The following STON2 variants were observed in gnomAD, a reference collection of about 807,000 sequenced individuals.
The protein encoded by STON2 is stonin-2.
In STON2, 29 loss-of-function variants were observed where a neutral mutation model predicts 65.7. The observed-to-expected ratio is 0.44, with a 90% CI of 0.33 to 0.60. The LOEUF (loss-of-function observed/expected upper bound fraction) is 0.60. Among genes scored for constraint, STON2 ranks in the 20% least tolerant of loss-of-function variants. STON2 has a pLI of 0.03. For synonymous variants in STON2, 404 were observed against 414.2 expected, an observed-to-expected ratio of 0.98 and a Z score of 0.30; for missense variants, 1,054 against 1,118.1, an observed-to-expected ratio of 0.94 and a Z score of 0.82.
chr14:81,397,023 A>C (rs983045996), intron 2 of STON2, among the ~76,000 whole-genome samples: 4 of 152,174 alleles, frequency 2.6e-5, no homozygotes, highest in African/African-American at 9.7e-5. Flanking sequence ...GCACCACTGC[A>C]CTCCAGCCTG....
At chr14:81,327,066 G>C (rs555439982) in intron 4 of STON2, among the ~76,000 whole-genome samples, 22 of 152,292 alleles carry the variant, frequency 1.4e-4, no homozygotes, top group African/African-American at 5.1e-4. Context: ...GCTGAGGCAC[G>C]AGAATTGCTT....
chr14:81,354,828 G>A (rs10147406), intron 4 of STON2, among the ~76,000 whole-genome samples: 3 of 151,714 alleles, frequency 2.0e-5, no homozygotes, highest in Non-Finnish European at 4.4e-5. Flanking sequence ...ACCAGCCTGG[G>A]CAACATGGTG....
chr14:81,261,913 GGTTGTCTGTTTCT>G lies in STON2; in HGVS notation c.*6488_*6500del. On this transcript the variant is annotated 3_prime_UTR_variant, in exon 8 of 8. Transcript: ENST00000614646. ...CAACTGCAATATAGAGGATTTGGAAGGTTGTCTGTTTCTGTTGTCTGGGGAAATGATAAAAAAA... is the reference window on the plus strand; with the variant it reads ...CAACTGCAATATAGAGGATTTGGAAGGTTGTCTGGGGAAATGATAAAAAAA... The G allele has an allele frequency of 1.3e-6, 2 of 1,499,354 alleles. No homozygotes were observed. Among genetic ancestry groups the G allele is most frequent in the Non-Finnish European group, 1.8e-6 (2 of 1,133,428 alleles). The allele number at this position is 1,499,354 out of a possible 1,614,324, so 92.9% of individuals were successfully genotyped here. A position where few individuals can be genotyped will look rare whatever the true frequency, so the allele number is the denominator to read the frequency against.
At chr14:81,290,997 A>G (rs966516050) in intron 5 of STON2, among the ~76,000 whole-genome samples, 1 of 152,196 alleles carries the variant, frequency 6.6e-6, no homozygotes, top group Non-Finnish European at 1.5e-5. Context: ...AAGAATATAT[A>G]TATGTCTCAT....
chr14:81,408,011 G>A (rs909225996), intron 2 of STON2, among the ~76,000 whole-genome samples: 1 of 152,126 alleles, frequency 6.6e-6, no homozygotes, highest in African/African-American at 2.4e-5. Context: ...CCATTACCCT[G>A]TGAGGAAGAC....
At chr14:81,384,048 A>G (rs1461065927) in intron 3 of STON2, among the ~76,000 whole-genome samples, 1 of 151,938 alleles carries the variant, frequency 6.6e-6, no homozygotes, top group African/African-American at 2.4e-5. Context: ...TCCACATGGA[A>G]GACTCCTCCC....
At position 81,337,078 on chromosome 14, in the gene STON2, C is replaced by T. The variant is rs183400646; in HGVS notation, c.572-12891G>A. Among the ~76,000 whole-genome samples the T allele has an allele frequency of 5.3e-5, 8 of 152,268 alleles. No individual in the cohort carries two copies. The East Asian group carries it at 7.7e-4, about 15-fold the overall frequency. On this transcript the variant is annotated intron_variant, in intron 4 of 7. Transcript: ENST00000614646. ...TGAGCTTTAGAGAAGATAATGTATA[C>T]GAAAGTGTCTGGCAGTGCCTGGCAA...
chr14:81,379,994 T>G (rs1429387142), intron 3 of STON2, among the ~76,000 whole-genome samples: 1 of 152,144 alleles, frequency 6.6e-6, no homozygotes, highest in African/African-American at 2.4e-5. Context: ...AATTGAGAAG[T>G]GGGACCTAAT....
chr14:81,366,577 G>A (rs909361615), intron 4 of STON2, among the ~76,000 whole-genome samples: 6 of 151,876 alleles, frequency 4.0e-5, no homozygotes, highest in Non-Finnish European at 8.8e-5. Flanking sequence ...GGCAGGGGGT[G>A]GGGGGGCAAT....
chr14:81,417,823 T>G (rs1901512006), intron 2 of STON2, among the ~76,000 whole-genome samples: 1 of 150,974 alleles, frequency 6.6e-6, no homozygotes, highest in African/African-American at 2.4e-5. Flanking sequence ...CATAAGGGAG[T>G]GGGGCTGGGA....
chr14:81,294,159 C>T (rs981673351), intron 5 of STON2, among the ~76,000 whole-genome samples: 2 of 152,178 alleles, frequency 1.3e-5, no homozygotes, highest in African/African-American at 4.8e-5. Flanking sequence ...CTAGAACCTT[C>T]CAATCTTGTC....
intron 3 of STON2, among the ~76,000 whole-genome samples, chr14:81,373,521 A>C (rs1185938076): frequency 6.6e-6 from 1 of 152,226 alleles, no homozygotes; most frequent in Non-Finnish European, 1.5e-5. Flanking sequence ...TTTAAAATGC[A>C]TCACACGGTG....
chr14:81,388,971 C>T (rs1386655710), intron 3 of STON2, among the ~76,000 whole-genome samples: 1 of 152,154 alleles, frequency 6.6e-6, no homozygotes, highest in East Asian at 1.9e-4. Flanking sequence ...TTCTCCTCCT[C>T]CTTCTCCTCC....
At chr14:81,360,393 G>A (rs2140338318) in intron 4 of STON2, among the ~76,000 whole-genome samples, 1 of 152,160 alleles carries the variant, frequency 6.6e-6, no homozygotes, top group South Asian at 2.1e-4. Flanking sequence ...ATCAATATAT[G>A]TGATAATCAC....
At chr14:81,279,756 T>C (rs1895032547) in intron 5 of STON2, among the ~76,000 whole-genome samples, 2 of 151,148 alleles carry the variant, frequency 1.3e-5, no homozygotes, top group Non-Finnish European at 2.9e-5. Context: ...TCAATGAGGG[T>C]AAAGGTGCCA....
At chr14:81,305,473 C>T (rs573192238) in intron 5 of STON2, among the ~76,000 whole-genome samples, 4 of 152,246 alleles carry the variant, frequency 2.6e-5, no homozygotes, top group African/African-American at 7.2e-5. Context: ...AGGTGTATAC[C>T]TTTTCATATG....
Position 81,264,843 on chromosome 14 carries a change from T to TC in STON2, c.*3570dup. ...TGTCTGCAAGAGCAGGCAAGGGGGATCATCTAATGGTCTCCCCACAAAGTG... is the reference window on the plus strand; with the variant it reads ...TGTCTGCAAGAGCAGGCAAGGGGGATCCATCTAATGGTCTCCCCACAAAGTG... On this transcript the variant is annotated 3_prime_UTR_variant, in exon 8 of 8. Coordinates refer to ENST00000614646, the MANE Select transcript of STON2 (RefSeq NM_001394390.1). 2.0e-6 allele frequency: 2 copies of TC among 985,344 alleles called. No homozygotes were observed. Among genetic ancestry groups the TC allele is most frequent in the Non-Finnish European group, 2.4e-6 (2 of 829,898 alleles). 61.0% of individuals were successfully genotyped at this position (985,344 alleles called of 1,614,324 possible).
chr14:81,321,906 C>T (rs1398919067), intron 5 of STON2, among the ~76,000 whole-genome samples: 1 of 152,118 alleles, frequency 6.6e-6, no homozygotes, highest in African/African-American at 2.4e-5. Context: ...CGATCAAGGC[C>T]CTTTGATTTG....
intron 3 of STON2, among the ~76,000 whole-genome samples, chr14:81,374,105 G>A (rs1899137970): frequency 7.5e-6 from 1 of 133,348 alleles, no homozygotes; most frequent in African/African-American, 2.8e-5. Context: ...CCACCTCCCG[G>A]GCTCAAGTGA....
Sources: allele counts gnomAD v4.1 joint callset (sites outside exome capture counted in the v4.1 genomes callset), GRCh38; gene constraint gnomAD v4.1.1; transcripts MANE v1.5; gene names NCBI Gene and HGNC (gene_info 2026-07-23, HGNC 2026-07-21).